Variants in GLIS3 observed in about 807,000 individuals in gnomAD.
GLIS3 encodes zinc finger protein GLIS3.
A neutral mutation model predicts 78.6 loss-of-function variants in GLIS3; 53 were observed. The ratio of observed to expected loss-of-function variants is 0.67; its 90% CI spans 0.54 to 0.85. The LOEUF (loss-of-function observed/expected upper bound fraction) is 0.85. GLIS3 is among the 40% of genes least tolerant of loss of function. GLIS3 has a pLI of 0.00. For missense variants in GLIS3, 1,703 were observed against 1,231.1 expected (o/e 1.38, Z -5.74); for synonymous variants, 684 against 509.9 (o/e 1.34, Z -4.60).
intron 2 of GLIS3, among the ~76,000 whole-genome samples, chr9:4,180,441 T>C (rs1399457106): frequency 6.6e-6 from 1 of 152,150 alleles, no homozygotes; most frequent in Non-Finnish European, 1.5e-5. Context: ...TGTTTCCTCA[T>C]CAGCAAGGAT....
chr9:4,407,348 A>C, the GLIS3 span, among the ~76,000 whole-genome samples: 1 of 152,248 alleles, frequency 6.6e-6, no homozygotes, highest in Non-Finnish European at 1.5e-5. Flanking sequence ...TACTGCAAGA[A>C]AACACTGGAA....
At chr9:4,211,300 A>G (rs548223855) in intron 2 of GLIS3, among the ~76,000 whole-genome samples, 6 of 152,364 alleles carry the variant, frequency 3.9e-5, no homozygotes, top group East Asian at 1.9e-4. Flanking sequence ...TGCAAACAAT[A>G]TAATTCTCAC....
At chr9:4,173,106 C>T (rs1017725637) in intron 2 of GLIS3, among the ~76,000 whole-genome samples, 2 of 152,144 alleles carry the variant, frequency 1.3e-5, no homozygotes, top group African/African-American at 2.4e-5. Context: ...AATCTTTCTA[C>T]GTATCAATAA....
the GLIS3 span, among the ~76,000 whole-genome samples, chr9:4,388,608 G>A: frequency 1.2e-4 from 19 of 152,148 alleles, no homozygotes; most frequent in East Asian, 3.9e-4. Context: ...TCTGGGAGGC[G>A]GAGGTTGCAG....
the GLIS3 span, among the ~76,000 whole-genome samples, chr9:4,453,351 A>G: frequency 7.4e-6 from 1 of 135,170 alleles, no homozygotes; most frequent in Non-Finnish European, 1.5e-5. Context: ...ACAGCAAAAA[A>G]AAAAAAAAAA....
chr9:4,474,732 T>G, the GLIS3 span, among the ~76,000 whole-genome samples: 5 of 150,248 alleles, frequency 3.3e-5, no homozygotes, highest in Non-Finnish European at 5.9e-5. Flanking sequence ...CGTCTTGTTC[T>G]GTCACCCAGG....
At chr9:3,831,511 T>C (rs1170246434) in intron 9 of GLIS3, among the ~76,000 whole-genome samples, 4 of 152,240 alleles carry the variant, frequency 2.6e-5, no homozygotes, top group East Asian at 3.8e-4. Flanking sequence ...CTATGTAATG[T>C]TGTAGACATT....
At chr9:4,036,608 G>A (rs1445347) in intron 4 of GLIS3, among the ~76,000 whole-genome samples, 3,952 of 152,224 alleles carry the variant, frequency 0.026, 162 homozygotes, top group African/African-American at 0.087. Context: ...AAAACAGAGA[G>A]GCTACTGTGA....
At chr9:4,289,355 C>T (rs1197591330) in intron 1 of GLIS3, among the ~76,000 whole-genome samples, 4 of 152,078 alleles carry the variant, frequency 2.6e-5, no homozygotes, top group Admixed American at 6.6e-5. Flanking sequence ...TAAATCTGGA[C>T]GGTAGACATG....
intron 6 of GLIS3, among the ~76,000 whole-genome samples, chr9:3,907,424 T>C (rs1355549628): frequency 6.6e-6 from 1 of 152,188 alleles, no homozygotes; most frequent in Non-Finnish European, 1.5e-5. Context: ...TAATTTACTT[T>C]CCTAATGGAG....
chr9:4,082,248 A>G (rs957951124), intron 4 of GLIS3, among the ~76,000 whole-genome samples: 1 of 152,208 alleles, frequency 6.6e-6, no homozygotes, highest in Non-Finnish European at 1.5e-5. Flanking sequence ...CTAACATTTT[A>G]CTGTATATAA....
chr9:4,103,638 G>A (rs759043051), intron 4 of GLIS3, among the ~76,000 whole-genome samples: 9 of 152,056 alleles, frequency 5.9e-5, no homozygotes, highest in East Asian at 1.9e-4. Flanking sequence ...ACACAATACC[G>A]TTTCTCAGAG....
At chr9:3,971,630 A>C (rs1818389049) in intron 4 of GLIS3, among the ~76,000 whole-genome samples, 1 of 152,158 alleles carries the variant, frequency 6.6e-6, no homozygotes, top group Non-Finnish European at 1.5e-5. Context: ...ACAACAAACT[A>C]ACCCACGGTA....
chr9:4,435,715 C>T, the GLIS3 span, among the ~76,000 whole-genome samples: 1 of 152,198 alleles, frequency 6.6e-6, no homozygotes, highest in East Asian at 1.9e-4. Flanking sequence ...TTTGGGAGGC[C>T]AAGGCGGGCG....
chr9:3,838,211 A>G (rs1317744989), intron 9 of GLIS3, among the ~76,000 whole-genome samples: 1 of 152,218 alleles, frequency 6.6e-6, no homozygotes, highest in Non-Finnish European at 1.5e-5. Context: ...CCTGGCATGT[A>G]GTAAGCATTC....
At chr9:4,299,068 C>T (rs907194998) in intron 1 of GLIS3, among the ~76,000 whole-genome samples, 1 of 152,100 alleles carries the variant, frequency 6.6e-6, no homozygotes, top group African/African-American at 2.4e-5. Flanking sequence ...GATTGTGTAC[C>T]CCTCTGCCCG....
chr9:4,180,200 T>C (rs926672042), intron 2 of GLIS3, among the ~76,000 whole-genome samples: 22 of 152,126 alleles, frequency 1.4e-4, no homozygotes, highest in African/African-American at 5.3e-4. Context: ...GGAGAGGAGA[T>C]GGGGACTGGA....
chr9:4,122,110 A>T (rs1832237860), intron 3 of GLIS3, among the ~76,000 whole-genome samples: 1 of 152,242 alleles, frequency 6.6e-6, no homozygotes. Flanking sequence ...AGAAACCATC[A>T]GCAAAAATGA....
intron 2 of GLIS3, among the ~76,000 whole-genome samples, chr9:4,186,936 T>G (rs920332968): frequency 6.6e-6 from 1 of 152,182 alleles, no homozygotes; most frequent in African/African-American, 2.4e-5. Flanking sequence ...TTTCTCCCAT[T>G]CTGTAGGTTG....
Sources: gnomAD v4.1 joint callset for allele counts (sites outside exome capture counted in the v4.1 genomes callset) on GRCh38, gnomAD v4.1.1 for gene constraint, MANE v1.5 for transcripts, NCBI Gene and HGNC (gene_info 2026-07-23, HGNC 2026-07-21) for gene names.